PAPPA2: variants seen among roughly 807,000 people sequenced by gnomAD.
PAPPA2 encodes pappalysin 2.
In PAPPA2, 86 loss-of-function variants were observed where a neutral mutation model predicts 176.4. That is an observed-to-expected ratio of 0.49 (90% confidence interval 0.41 to 0.58). The LOEUF (loss-of-function observed/expected upper bound fraction) is 0.58. Ranked by LOEUF, PAPPA2 falls within the 20% of genes least tolerant of loss-of-function variation. The pLI, the probability that PAPPA2 is intolerant of heterozygous loss-of-function variation, is 0.00. For missense variants in PAPPA2, 2,073 were observed against 2,256.9 expected (o/e 0.92, Z 1.65); for synonymous variants, 809 against 852.2 (o/e 0.95, Z 0.88).
At chr1:176,839,867 A>G (rs1296706226) in intron 21 of PAPPA2, among the ~76,000 whole-genome samples, 2 of 152,134 alleles carry the variant, frequency 1.3e-5, no homozygotes, top group Non-Finnish European at 1.5e-5. Flanking sequence ...TGTAACCTAT[A>G]TAATATAAAG....
At chr1:176,738,068 C>A (rs2102871214) in intron 12 of PAPPA2, among the ~76,000 whole-genome samples, 1 of 152,138 alleles carries the variant, frequency 6.6e-6, no homozygotes, top group Non-Finnish European at 1.5e-5. Context: ...TGGAAATTCC[C>A]AGGGGGCTTT....
At chr1:176,669,039 G>A (rs371281255) in intron 3 of PAPPA2, among the ~76,000 whole-genome samples, 32 of 152,164 alleles carry the variant, frequency 2.1e-4, no homozygotes, top group East Asian at 9.7e-4. Context: ...GGAGGATGGT[G>A]TCCAAGACTG....
At chr1:176,761,768 C>T (rs1315946187) in intron 14 of PAPPA2, among the ~76,000 whole-genome samples, 1 of 152,152 alleles carries the variant, frequency 6.6e-6, no homozygotes, top group Non-Finnish European at 1.5e-5. Context: ...TGTGTGGCCT[C>T]CAGCCAGTCT....
chr1:176,769,005 G>A (rs1664100254), intron 15 of PAPPA2, among the ~76,000 whole-genome samples: 1 of 152,310 alleles, frequency 6.6e-6, no homozygotes, highest in South Asian at 2.1e-4. Flanking sequence ...CAGGATATAG[G>A]AAAATCACAA....
At chr1:176,648,326 G>A (rs1657530225) in intron 3 of PAPPA2, among the ~76,000 whole-genome samples, 1 of 151,428 alleles carries the variant, frequency 6.6e-6, no homozygotes. Flanking sequence ...AGTTCTAACA[G>A]TTTTTTGGTG....
At chr1:176,690,723 C>T in intron 5 of PAPPA2, 1 of 1,204,096 alleles carries the variant, frequency 8.3e-7, no homozygotes, top group East Asian at 3.6e-5. Context: ...CTCTTGTGAT[C>T]CCCTTGACTT....
chr1:176,785,319 C>T (rs1391056650), intron 17 of PAPPA2, among the ~76,000 whole-genome samples: 1 of 152,052 alleles, frequency 6.6e-6, no homozygotes, highest in Admixed American at 6.6e-5. Context: ...AGACAGCCCT[C>T]ACTATTGGGC....
chr1:176,720,419 T>C (rs994144727), intron 12 of PAPPA2, among the ~76,000 whole-genome samples: 1 of 152,154 alleles, frequency 6.6e-6, no homozygotes, highest in Non-Finnish European at 1.5e-5. Flanking sequence ...AATTCTCTGT[T>C]TTCTAGTTGG....
At chr1:176,560,030 AGTAGGCAGCCAC>A (rs1222254466) in intron 2 of PAPPA2, among the ~76,000 whole-genome samples, 2 of 152,130 alleles carry the variant, frequency 1.3e-5, no homozygotes, top group African/African-American at 2.4e-5. Flanking sequence ...TTCACAGGAG[AGTAGGCAGCCAC>A]GTAGTGGGGA....
chr1:176,679,197 A>G (rs1183445505), intron 4 of PAPPA2, among the ~76,000 whole-genome samples: 1 of 152,108 alleles, frequency 6.6e-6, no homozygotes, highest in Non-Finnish European at 1.5e-5. Flanking sequence ...ACGTTCCCTG[A>G]GTTTTATCCT....
At position 176,601,256 on chromosome 1, in the gene PAPPA2, C is replaced by G. The variant is rs6689516; in HGVS notation, c.1991+5661C>G. Reference sequence around the variant, plus strand: ...GGACCTTCACTAGATGCAGGCCTCTCGAGCTTGGACTTTACAGCCTCCAGA... The same window carrying G: ...GGACCTTCACTAGATGCAGGCCTCTGGAGCTTGGACTTTACAGCCTCCAGA... On this transcript the variant is annotated intron_variant, in intron 3 of 22. Coordinates refer to ENST00000367662, the MANE Select transcript of PAPPA2 (RefSeq NM_020318.3). Among the ~76,000 whole-genome samples, 939 of 152,252 alleles carry G rather than the reference C, an allele frequency of 6.2e-3. 17 individuals are homozygous for G. Among genetic ancestry groups the G allele is most frequent in the African/African-American group, 0.021 (856 of 41,544 alleles).
intron 1 of PAPPA2, among the ~76,000 whole-genome samples, chr1:176,545,487 A>AT (rs976516537): frequency 6.6e-6 from 1 of 151,978 alleles, no homozygotes; most frequent in Admixed American, 6.6e-5. Flanking sequence ...ACTGTGCATG[A>AT]TTTTTTTCTT....
At chr1:176,633,366 A>G (rs923668234) in intron 3 of PAPPA2, among the ~76,000 whole-genome samples, 3 of 152,170 alleles carry the variant, frequency 2.0e-5, no homozygotes, top group Non-Finnish European at 4.4e-5. Flanking sequence ...AGTGAATGAC[A>G]TAGGATCAAG....
chr1:176,494,227 G>C (rs1039190231), intron 1 of PAPPA2, among the ~76,000 whole-genome samples: 1 of 152,068 alleles, frequency 6.6e-6, no homozygotes, highest in Non-Finnish European at 1.5e-5. Context: ...TTGTTGTTAA[G>C]ACCCAGACTA....
At position 176,594,653 on chromosome 1, in the gene PAPPA2, C is replaced by T. The variant is rs921894171; in HGVS notation, c.1049C>T (p.Ala350Val). The T allele has an allele frequency of 3.1e-6, 5 of 1,614,118 alleles. No individual in the cohort carries two copies. The highest frequency in any genetic ancestry group is 2.7e-5 in the African/African-American group (2 of 74,932). ...CTCTGCACCGACCGCGTGAAGAAAG[C>T]CACCATCTTGATTAGCCACAGTCGC... ...FSLCTDRVKK[A>V]TILISHSRYQ... is the part of the protein sequence containing the mutation. The change falls in exon 3 of 23, where the codon GCC becomes GTC. Residue 350 changes from alanine to valine, a missense_variant. Ala to Val is a moderately conservative substitution (Grantham distance 64). This residue lies in a region of PAPPA2 where 1,196 missense variants were observed against 1,330.4 expected (regional missense o/e 0.90). Coordinates refer to ENST00000367662, the MANE Select transcript of PAPPA2 (RefSeq NM_020318.3).
At chr1:176,746,953 A>C (rs758932500) in intron 14 of PAPPA2, among the ~76,000 whole-genome samples, 1 of 152,214 alleles carries the variant, frequency 6.6e-6, no homozygotes, top group Admixed American at 6.5e-5. Flanking sequence ...TGTTGTTCAA[A>C]AACCATTTAA....
Position 176,768,670 on chromosome 1 carries a change from G to A in PAPPA2, c.4324-937G>A, listed in dbSNP as rs574800723. ...CTTGCCTGGTCGATTTTTAGTTCCC[G>A]GAGGATATTTTGTTTAGGACAGGAC... On this transcript the variant is annotated intron_variant, in intron 15 of 22. Transcript: ENST00000367662. Among the ~76,000 whole-genome samples the A allele has an allele frequency of 9.2e-4, 140 of 152,132 alleles. 1 individual carries two copies. The highest frequency in any genetic ancestry group is 3.1e-3 in the African/African-American group (130 of 41,496).
At chr1:176,480,576 G>T (rs1652346528) in intron 1 of PAPPA2, among the ~76,000 whole-genome samples, 1 of 152,114 alleles carries the variant, frequency 6.6e-6, no homozygotes, top group African/African-American at 2.4e-5. Context: ...AAGGGGATAG[G>T]CAGGGGACAT....
chr1:176,563,467 C>G (rs2102601267), intron 2 of PAPPA2, among the ~76,000 whole-genome samples: 1 of 152,128 alleles, frequency 6.6e-6, no homozygotes, highest in East Asian at 1.9e-4. Context: ...AAAGCTGAAG[C>G]TTGTTTTTGT....
Sources: gnomAD v4.1 joint callset for allele counts (sites outside exome capture counted in the v4.1 genomes callset) on GRCh38, gnomAD v4.1.1 for gene constraint, gnomAD v4.1.1 regional missense constraint, MANE v1.5 for transcripts, NCBI Gene and HGNC (gene_info 2026-07-23, HGNC 2026-07-21) for gene names.